The following ASCL2 variants were observed in gnomAD, a reference collection of about 807,000 sequenced individuals.
The protein encoded by ASCL2 is achaete-scute family bHLH transcription factor 2, also known as achaete-scute homolog 2.
Under a neutral mutation model 5.1 loss-of-function variants are expected in ASCL2, and 6 were observed. The observed-to-expected ratio is 1.17, with a 90% CI of 0.64 to 2.31. ASCL2 has a LOEUF of 2.31. Ranked by LOEUF, ASCL2 falls within the 30% of genes most tolerant of loss-of-function variation. The pLI is 0.00. For missense variants in ASCL2, 320 were observed against 310.3 expected (o/e 1.03, Z -0.23); for synonymous variants, 174 against 157.3 (o/e 1.11, Z -0.80).
chr11:2,270,575 T>C lies in ASCL2; in HGVS notation c.-243A>G. The C allele has an allele frequency of 1.6e-6, 1 of 644,570 alleles. No individual in the cohort carries two copies. The highest frequency in any genetic ancestry group is 3.6e-5 in the East Asian group (1 of 27,470). 39.9% of individuals were successfully genotyped at this position (644,570 alleles called of 1,614,324 possible). ...TCGTGTCCCGCGCGTGCGGCCGGAC[T>C]CTCCCAGGTCTCCGCAGGCGCGGCG... On this transcript the variant is annotated 5_prime_UTR_variant, in exon 1 of 2. Transcript: ENST00000331289.
chr11:2,269,829 G>A lies in ASCL2; in HGVS notation c.504C>T (p.Asp168=). 1 of 1,407,860 alleles carries A rather than the reference G, an allele frequency of 7.1e-7. No homozygotes were observed. The allele number at this position is 1,407,860 out of a possible 1,614,324, so 87.2% of individuals were successfully genotyped here. Residue 168 remains aspartate, a synonymous_variant, in exon 1 of 2, where the codon GAC becomes GAT. Transcript: ENST00000331289. The part of the protein sequence containing the change: ...PGSPRSAYSS[D]DSGCEGALSP... Reference sequence around the variant, plus strand: ...TCAGCGCGCCTTCGCAGCCGCTGTCGTCCGACGAGTAGGCGGAACGCGGGG... The same window carrying A: ...TCAGCGCGCCTTCGCAGCCGCTGTCATCCGACGAGTAGGCGGAACGCGGGG...
chr11:2,269,314 G>C (rs892269066), intron 1 of ASCL2, among the ~76,000 whole-genome samples, 188 bp from the exon 2 acceptor site: 2 of 151,694 alleles, frequency 1.3e-5, no homozygotes, highest in Non-Finnish European at 3.0e-5. Flanking sequence ...GGGCGGGGCG[G>C]GCGCTCGGAG....
rs1023893174 is a variant in ASCL2, at chr11:2,268,955, C to G, written c.*190G>C. On this transcript the variant is annotated 3_prime_UTR_variant, in exon 2 of 2. Coordinates refer to ENST00000331289, the MANE Select transcript of ASCL2 (RefSeq NM_005170.3). This position sits in a 1 kb window ranked among gnomAD's most constrained non-coding sequence, Gnocchi z 4.5. The stretch of plus-strand genomic sequence containing the variant: ...GCCCTTATGGGGCCAGCTCCAAGCC[C>G]GTTTCCACCGCGGCATTGGTCAGGC... 5 of 144,008 alleles carry G rather than the reference C, an allele frequency of 3.5e-5. 1 individual carries two copies. The South Asian group carries it at 6.7e-4, about 19-fold the overall frequency. 8.9% of individuals were successfully genotyped at this position (144,008 alleles called of 1,614,324 possible). A position where few individuals can be genotyped will look rare whatever the true frequency, so the allele number is the denominator to read the frequency against.
At position 2,268,741 on chromosome 11, in the gene ASCL2, C is replaced by T. The variant is rs969748860; in HGVS notation, c.*404G>A. The stretch of plus-strand genomic sequence containing the variant: ...TTTATTACGCCCCAGGTCAAGGGTT[C>T]TTTGTACAAAAATAGGTCTCCGTTT... On this transcript the variant is annotated 3_prime_UTR_variant, in exon 2 of 2. Coordinates refer to ENST00000331289, the MANE Select transcript of ASCL2 (RefSeq NM_005170.3). The surrounding 1 kb of genome is among the most constrained non-coding windows in gnomAD (Gnocchi z 4.5). 1 of 152,452 alleles carries T rather than the reference C, an allele frequency of 6.6e-6. No homozygotes were observed. Among genetic ancestry groups the T allele is most frequent in the African/African-American group, 2.4e-5 (1 of 41,456 alleles). 9.4% of individuals were successfully genotyped at this position (152,452 alleles called of 1,614,324 possible). A position where few individuals can be genotyped will look rare whatever the true frequency, so the allele number is the denominator to read the frequency against.
intron 1 of ASCL2, 150 bp downstream of exon 1, chr11:2,269,583 G>A (rs1847224019): frequency 5.8e-6 from 4 of 683,938 alleles, no homozygotes; most frequent in Middle Eastern, 4.7e-4. Flanking sequence ...AAAACTTTGG[G>A]GGAAATGAAG....
Position 2,270,531 on chromosome 11 carries a change from G to C in ASCL2, c.-199C>G. 9.7e-7 allele frequency: 1 copy of C among 1,034,974 alleles called. No individual in the cohort carries two copies. The allele number at this position is 1,034,974 out of a possible 1,614,324, so 64.1% of individuals were successfully genotyped here. On this transcript the variant is annotated 5_prime_UTR_variant, in exon 1 of 2. Coordinates refer to ENST00000331289, the MANE Select transcript of ASCL2 (RefSeq NM_005170.3). ...GGCCTAGTGGTGGCAGGCCGTACGC[G>C]CCAGGGAGCGTGGGACGCTCGTGTC...
In ASCL2 at chr11:2,269,965, T is replaced by G. The variant is rs376558492; in HGVS notation, c.368A>C (p.Gln123Pro). 2.3e-6 allele frequency: 3 copies of G among 1,301,050 alleles called. No homozygotes were observed. The highest frequency in any genetic ancestry group is 2.9e-6 in the Non-Finnish European group (3 of 1,024,166). 80.6% of individuals were successfully genotyped at this position (1,301,050 alleles called of 1,614,324 possible). Residue 123 changes from glutamine to proline, a missense_variant, in exon 1 of 2, where the codon CAG becomes CCG. By Grantham distance (76) the Gln-to-Pro change is moderately conservative. Coordinates refer to ENST00000331289, the MANE Select transcript of ASCL2 (RefSeq NM_005170.3). ...RNALAGGLRP[Q>P]AVRPSAPRGP... is the part of the protein sequence containing the mutation. ...GCGGGGCGCAGACGGCCGCACGGCC[T>G]GCGGCCTCAGCCCTCCCGCCAGCGC...
chr11:2,270,119 C>CCGCCTCCGGT lies in ASCL2; in HGVS notation c.213_214insACCGGAGGCG (p.Ala72ThrfsTer132). ...CCGTGCGGCACGTGCTGCCGCAGCG[C>CCGCCTCCGGT]CTGGAAGCCCAAGTTCACCAGCTTC... is the stretch of plus-strand genomic sequence containing the variant. On this transcript the variant is annotated frameshift_variant, in exon 1 of 2. Coordinates refer to ENST00000331289, the MANE Select transcript of ASCL2 (RefSeq NM_005170.3). LOFTEE classifies it high-confidence loss of function. 6.6e-7 allele frequency: 1 copy of CCGCCTCCGGT among 1,523,612 alleles called. No homozygotes were observed. Among genetic ancestry groups the CCGCCTCCGGT allele is most frequent in the Admixed American group, 2.1e-5 (1 of 48,422 alleles). The allele number at this position is 1,523,612 out of a possible 1,614,324, so 94.4% of individuals were successfully genotyped here.
In ASCL2 at chr11:2,270,115, A is replaced by G; in HGVS notation, c.218T>C (p.Leu73Pro). 1 of 1,519,640 alleles carries G rather than the reference A, an allele frequency of 6.6e-7. No individual in the cohort carries two copies. Among genetic ancestry groups the G allele is most frequent in the Non-Finnish European group, 8.8e-7 (1 of 1,140,006 alleles). 94.1% of individuals were successfully genotyped at this position (1,519,640 alleles called of 1,614,324 possible). A position where few individuals can be genotyped will look rare whatever the true frequency, so the allele number is the denominator to read the frequency against. The change falls in exon 1 of 2, where the codon CTG becomes CCG. Residue 73 changes from leucine (L) to proline (P), a missense_variant. Physicochemically the swap from Leu to Pro is moderately conservative, Grantham distance 98. Coordinates refer to ENST00000331289, the MANE Select transcript of ASCL2 (RefSeq NM_005170.3). ...GCCGCCGTGCGGCACGTGCTGCCGCAGCGCCTGGAAGCCCAAGTTCACCAG... is the reference window on the plus strand; with the variant it reads ...GCCGCCGTGCGGCACGTGCTGCCGCGGCGCCTGGAAGCCCAAGTTCACCAG... Reference protein sequence around the residue: ...VKLVNLGFQALRQHVPHGGAS... With the variant: ...VKLVNLGFQAPRQHVPHGGAS...
chr11:2,269,687 CA>C, intron 1 of ASCL2, 45 bp downstream of exon 1: 97 of 1,195,658 alleles, frequency 8.1e-5, no homozygotes, highest in Middle Eastern at 3.3e-4. Context: ...CCCGTCCCTC[CA>C]CCCCGGCCCC....
intron 1 of ASCL2, 48 bp downstream of exon 1, chr11:2,269,682 CCCT>C: frequency 1.6e-5 from 9 of 560,190 alleles, no homozygotes; most frequent in South Asian, 4.2e-5. Context: ...CCCACCCCGT[CCCT>C]CCACCCCGGC....
intron 1 of ASCL2, among the ~76,000 whole-genome samples, chr11:2,269,372 C>T (rs1033722130): frequency 1.4e-4 from 21 of 152,046 alleles, no homozygotes; most frequent in African/African-American, 5.1e-4. Context: ...TCTGCCGCCC[C>T]GGCCCGGGAG....
At chr11:2,269,687 C>A in intron 1 of ASCL2, 46 bp downstream of exon 1, 2 of 1,195,816 alleles carry the variant, frequency 1.7e-6, no homozygotes, top group Non-Finnish European at 2.2e-6. Flanking sequence ...CCCGTCCCTC[C>A]ACCCCGGCCC....
At chr11:2,269,685 T>G in intron 1 of ASCL2, 48 bp downstream of exon 1, 138 of 369,432 alleles carry the variant, frequency 3.7e-4, no homozygotes, top group Non-Finnish European at 4.9e-4. Context: ...ACCCCGTCCC[T>G]CCACCCCGGC....
At position 2,270,360 on chromosome 11, in the gene ASCL2, G is replaced by T; in HGVS notation, c.-28C>A. ...CGCCTGCATCCACCCGCCCGCTCCA[G>T]GTCCCGGCGCGCCGCAGGAAGGTGC... On this transcript the variant is annotated 5_prime_UTR_variant, in exon 1 of 2. The change creates a new upstream start codon in the 5' untranslated region. Transcript: ENST00000331289. The T allele has an allele frequency of 1.6e-6, 2 of 1,269,556 alleles. No individual in the cohort carries two copies. Among genetic ancestry groups the T allele is most frequent in the Non-Finnish European group, 2.0e-6 (2 of 1,009,496 alleles). The allele number at this position is 1,269,556 out of a possible 1,614,324, so 78.6% of individuals were successfully genotyped here.
At chr11:2,269,250 TG>T (rs1158735773) in intron 1 of ASCL2, 124 bp from the exon 2 acceptor site, 1 of 151,436 alleles carries the variant, frequency 6.6e-6, no homozygotes, top group Non-Finnish European at 1.5e-5. Context: ...TTTGCTCGGT[TG>T]GTTTTGGAGT....
chr11:2,270,306 G>C lies in ASCL2; in HGVS notation c.27C>G (p.Ser9=). 1 of 1,318,926 alleles carries C rather than the reference G, an allele frequency of 7.6e-7. No individual in the cohort carries two copies. Among genetic ancestry groups the C allele is most frequent in the Non-Finnish European group, 9.6e-7 (1 of 1,039,728 alleles). 81.7% of individuals were successfully genotyped at this position (1,318,926 alleles called of 1,614,324 possible). Residue 9 remains serine, a synonymous_variant, in exon 1 of 2, where the codon TCC becomes TCG. Transcript: ENST00000331289. MDGGTLPR[S]APPAPPVPVG... is the part of the protein sequence containing the mutation. ...CAGGGACGGGGGGCGCAGGGGGCGC[G>C]GACCTGGGCAGTGTGCCGCCGTCCA...
chr11:2,269,693 G>A, intron 1 of ASCL2, 40 bp downstream of exon 1: 1 of 345,412 alleles, frequency 2.9e-6, no homozygotes, highest in Non-Finnish European at 4.4e-6. Context: ...CCTCCACCCC[G>A]GCCCCCGGCC....
In ASCL2 at chr11:2,269,093, G is replaced by T; in HGVS notation, c.*52C>A. 6.6e-6 allele frequency: 1 copy of T among 152,054 alleles called. No homozygotes were observed. The highest frequency in any genetic ancestry group is 1.9e-4 in the East Asian group (1 of 5,134). 9.4% of individuals were successfully genotyped at this position (152,054 alleles called of 1,614,324 possible). On this transcript the variant is annotated 3_prime_UTR_variant, in exon 2 of 2. Transcript: ENST00000331289. Reference sequence around the variant, plus strand: ...CCTGGCGGGCTCCCCGGCGATGAGCGCGCCGGCCGCTCGCTCGGCTTCCGG... The same window carrying T: ...CCTGGCGGGCTCCCCGGCGATGAGCTCGCCGGCCGCTCGCTCGGCTTCCGG...
Sources: allele counts gnomAD v4.1 joint callset (sites outside exome capture counted in the v4.1 genomes callset), GRCh38; gene constraint gnomAD v4.1.1; non-coding constraint Gnocchi (gnomAD v3.1); transcripts MANE v1.5; gene names NCBI Gene and HGNC (gene_info 2026-07-23, HGNC 2026-07-21).